Variants in GNPDA2 observed in about 807,000 individuals in gnomAD.
The protein encoded by GNPDA2 is glucosamine-6-phosphate deaminase 2.
GNPDA2 carries 24 observed loss-of-function variants against 27.0 expected under a neutral mutation model. The ratio of observed to expected loss-of-function variants is 0.89; its 90% CI spans 0.64 to 1.25. GNPDA2 has a LOEUF of 1.25. Among genes scored for constraint, GNPDA2 ranks in the 50% most tolerant of loss-of-function variants. The pLI is 0.00. For missense variants in GNPDA2, 286 were observed against 335.1 expected, an observed-to-expected ratio of 0.85 and a Z score of 1.14; for synonymous variants, 94 against 108.4, an observed-to-expected ratio of 0.87 and a Z score of 0.83.
At chr4:44,713,516 G>T (rs1717096418) in intron 4 of GNPDA2, among the ~76,000 whole-genome samples, 1 of 152,124 alleles carries the variant, frequency 6.6e-6, no homozygotes, top group Non-Finnish European at 1.5e-5. Flanking sequence ...CCAAAGCAAA[G>T]AATCCAAGCA....
intron 5 of GNPDA2, 24 bp downstream of exon 5, chr4:44,710,929 C>A: frequency 2.6e-6 from 4 of 1,518,134 alleles, no homozygotes; most frequent in South Asian, 1.3e-5. Flanking sequence ...AAAAGAAAGA[C>A]AGCAAAGAAT....
chr4:44,713,544 G>A (rs1382422521), intron 4 of GNPDA2, among the ~76,000 whole-genome samples: 1 of 152,140 alleles, frequency 6.6e-6, no homozygotes, highest in Non-Finnish European at 1.5e-5. Flanking sequence ...AAATCAGAAG[G>A]TTAACATTTT....
In GNPDA2 at chr4:44,702,298, T is replaced by C. The variant is rs548489652; in HGVS notation, c.*783A>G. The stretch of plus-strand genomic sequence containing the variant: ...GACATTTTATAAGGAATAAAGCTAA[T>C]TGTATATTAAGTTTAACAATAATCA... On this transcript the variant is annotated 3_prime_UTR_variant, in exon 7 of 7. Transcript: ENST00000295448. The C allele has an allele frequency of 2.6e-4, 167 of 653,152 alleles. No homozygotes were observed. In the African/African-American group the frequency reaches 2.9e-3, roughly 11 times the overall value. 40.5% of individuals were successfully genotyped at this position (653,152 alleles called of 1,614,324 possible). A position where few individuals can be genotyped will look rare whatever the true frequency, so the allele number is the denominator to read the frequency against.
chr4:44,702,907 C>A lies in GNPDA2; in HGVS notation c.*174G>T, dbSNP rs1716361102. The A allele has an allele frequency of 3.5e-6, 5 of 1,428,488 alleles. No homozygotes were observed. Among genetic ancestry groups the A allele is most frequent in the Admixed American group, 3.2e-5 (1 of 31,166 alleles). The allele number at this position is 1,428,488 out of a possible 1,614,324, so 88.5% of individuals were successfully genotyped here. On this transcript the variant is annotated 3_prime_UTR_variant, in exon 7 of 7. Coordinates refer to ENST00000295448, the MANE Select transcript of GNPDA2 (RefSeq NM_138335.3). ...TGAGAGCCAGCTACTTCTCTTAAAC[C>A]CAAGTACAAGATATAAATATTCAAA...
chr4:44,705,251 G>A, intron 6 of GNPDA2: 2 of 980,834 alleles, frequency 2.0e-6, no homozygotes, highest in Non-Finnish European at 2.4e-6. Context: ...ATGGAGGTAT[G>A]AAAAGTATAC....
At position 44,702,910 on chromosome 4, in the gene GNPDA2, A is replaced by T; in HGVS notation, c.*171T>A. 3 of 1,436,842 alleles carry T rather than the reference A, an allele frequency of 2.1e-6. No homozygotes were observed. The highest frequency in any genetic ancestry group is 1.8e-6 in the Non-Finnish European group (2 of 1,105,684). 89.0% of individuals were successfully genotyped at this position (1,436,842 alleles called of 1,614,324 possible). ...GAGCCAGCTACTTCTCTTAAACCCA[A>T]GTACAAGATATAAATATTCAAAATA... On this transcript the variant is annotated 3_prime_UTR_variant, in exon 7 of 7. Coordinates refer to ENST00000295448, the MANE Select transcript of GNPDA2 (RefSeq NM_138335.3).
At chr4:44,721,917 T>C (rs1437236165) in intron 2 of GNPDA2, among the ~76,000 whole-genome samples, 167 bp downstream of exon 2, 1 of 152,178 alleles carries the variant, frequency 6.6e-6, no homozygotes. Context: ...ACATTGTAGA[T>C]AGTAGATTTT....
In GNPDA2 at chr4:44,720,351, C is replaced by T. The variant is rs778770584; in HGVS notation, c.124+1733G>A. ...ATTCCAATCTAGATAGGTCTGGTGC[C>T]AGAGTTCATATAGATTCCATTAAAT... is the stretch of plus-strand genomic sequence containing the variant. On this transcript the variant is annotated intron_variant, in intron 2 of 6. Coordinates refer to ENST00000295448, the MANE Select transcript of GNPDA2 (RefSeq NM_138335.3). Among the ~76,000 whole-genome samples, 3 of 152,040 alleles carry T rather than the reference C, an allele frequency of 2.0e-5. No individual in the cohort carries two copies. The South Asian group carries it at 6.2e-4, about 32-fold the overall frequency.
At position 44,707,817 on chromosome 4, in the gene GNPDA2, G is replaced by A; in HGVS notation, c.704C>T (p.Thr235Ile). 6.2e-7 allele frequency: 1 copy of A among 1,613,270 alleles called. No individual in the cohort carries two copies. The highest frequency in any genetic ancestry group is 8.5e-7 in the Non-Finnish European group (1 of 1,179,496). The change falls in exon 6 of 7, where the codon ACT becomes ATT. Residue 235 changes from threonine to isoleucine, a missense_variant. Thr to Ile is a moderately conservative substitution (Grantham distance 89). Transcript: ENST00000295448. ...TVSAFQQHPR[T>I]IFVCDEDATL... ...AGCATCTTCATCGCATACAAAAATAGTCCGGGGATGCTGCTGGAAAGCGGA... is the reference window on the plus strand; with the variant it reads ...AGCATCTTCATCGCATACAAAAATAATCCGGGGATGCTGCTGGAAAGCGGA...
At position 44,723,941 on chromosome 4, in the gene GNPDA2, G is replaced by A. The variant is rs1717842598; in HGVS notation, c.-35-1699C>T. ...GGTCCGTGGCTAATTAAAGGCTGAG[G>A]TGAATTGGCTCCCTATGCAGATGAA... On this transcript the variant is annotated intron_variant, in intron 1 of 6. Coordinates refer to ENST00000295448, the MANE Select transcript of GNPDA2 (RefSeq NM_138335.3). 3.9e-5 allele frequency among the ~76,000 whole-genome samples: 6 copies of A among 152,106 alleles called. 1 individual carries two copies. In the South Asian group the frequency reaches 1.0e-3, roughly 26 times the overall value.
chr4:44,717,188 C>G lies in GNPDA2; in HGVS notation c.334G>C (p.Ala112Pro), dbSNP rs1394825613. Residue 112 changes from alanine to proline, a missense_variant, in exon 4 of 7, where the codon GCA becomes CCA. Coordinates refer to ENST00000295448, the MANE Select transcript of GNPDA2 (RefSeq NM_138335.3). The stretch of plus-strand genomic sequence containing the variant: ...GCATCACATTCTGCTTGTAAATCTG[C>G]AGCATTCCCGTCAAGGATATGTGCA... ...NNAHILDGNA[A>P]DLQAECDAFE... The G allele has an allele frequency of 6.2e-6, 10 of 1,608,296 alleles. No homozygotes were observed. The highest frequency in any genetic ancestry group is 8.5e-6 in the Non-Finnish European group (10 of 1,176,652).
At chr4:44,712,594 C>T (rs1241078522) in intron 4 of GNPDA2, among the ~76,000 whole-genome samples, 1 of 152,036 alleles carries the variant, frequency 6.6e-6, no homozygotes, top group Non-Finnish European at 1.5e-5. Flanking sequence ...TGTTTCTCCT[C>T]TTAGGTATAC....
chr4:44,702,986 TC>T lies in GNPDA2; in HGVS notation c.*94del, dbSNP rs1716365706. Reference sequence around the variant, plus strand: ...ATGAAAAAATGACAATCTTCAAAATTCCCCATGTTTTGTCATATTGCATAGC... The same window carrying T: ...ATGAAAAAATGACAATCTTCAAAATTCCCATGTTTTGTCATATTGCATAGC... On this transcript the variant is annotated 3_prime_UTR_variant, in exon 7 of 7. Coordinates refer to ENST00000295448, the MANE Select transcript of GNPDA2 (RefSeq NM_138335.3). 4 of 1,563,052 alleles carry T rather than the reference TC, an allele frequency of 2.6e-6. No homozygotes were observed. In the East Asian group the frequency reaches 9.1e-5, roughly 36 times the overall value.
chr4:44,724,923 A>G (rs1345936103), intron 1 of GNPDA2, among the ~76,000 whole-genome samples: 1 of 152,234 alleles, frequency 6.6e-6, no homozygotes, highest in Non-Finnish European at 1.5e-5. Flanking sequence ...TGTCAAAAAC[A>G]ATTTTAGAGT....
Position 44,713,173 on chromosome 4 carries a change from C to T in GNPDA2, c.410-2036G>A, listed in dbSNP as rs1388057553. Among the ~76,000 whole-genome samples, 6 of 152,172 alleles carry T rather than the reference C, an allele frequency of 3.9e-5. 1 individual carries two copies. The highest frequency in any genetic ancestry group is 7.3e-5 in the Non-Finnish European group (5 of 68,034). On this transcript the variant is annotated intron_variant, in intron 4 of 6. Transcript: ENST00000295448. ...TTCTCTTCTGCCTTGCTCCCCTCAC[C>T]AGAGGGGCTGGAACAATTTTAATTT...
At chr4:44,715,784 A>G (rs1483676931) in intron 4 of GNPDA2, among the ~76,000 whole-genome samples, 3 of 152,072 alleles carry the variant, frequency 2.0e-5, no homozygotes, top group African/African-American at 7.2e-5. Flanking sequence ...TCTTGCTCCA[A>G]TAAACAACCA....
rs767359567 is a variant in GNPDA2 at position 44,703,145 on chromosome 4, TAAAG to T, written c.770-7_770-4del. On this transcript the variant is annotated splice_region_variant and splice_polypyrimidine_tract_variant and intron_variant, in intron 6 of 6. Coordinates refer to ENST00000295448, the MANE Select transcript of GNPDA2 (RefSeq NM_138335.3). ...TTTATTGTGCACATGCATTAGACCT[TAAAG>T]AAAAAAAGCACAGTTCTAGTTGTTT... The T allele has an allele frequency of 2.5e-6, 4 of 1,604,188 alleles. No individual in the cohort carries two copies. Among genetic ancestry groups the T allele is most frequent in the South Asian group, 2.3e-5 (2 of 88,574 alleles).
At position 44,702,168 on chromosome 4, in the gene GNPDA2, G is replaced by A. The variant is rs1361931522; in HGVS notation, c.*913C>T. 5 of 901,500 alleles carry A rather than the reference G, an allele frequency of 5.5e-6. No individual in the cohort carries two copies. The highest frequency in any genetic ancestry group is 5.1e-5 in the South Asian group (1 of 19,620). 55.8% of individuals were successfully genotyped at this position (901,500 alleles called of 1,614,324 possible). A position where few individuals can be genotyped will look rare whatever the true frequency, so the allele number is the denominator to read the frequency against. ...AATTTAGATAACTTATTTATTACAC[G>A]CTTTATTTGAGTTAAAGATAAAAAA... is the stretch of plus-strand genomic sequence containing the variant. On this transcript the variant is annotated 3_prime_UTR_variant, in exon 7 of 7. Coordinates refer to ENST00000295448, the MANE Select transcript of GNPDA2 (RefSeq NM_138335.3).
At chr4:44,726,205 T>A (rs1479014555) in intron 1 of GNPDA2, among the ~76,000 whole-genome samples, 1 of 151,900 alleles carries the variant, frequency 6.6e-6, no homozygotes, top group Non-Finnish European at 1.5e-5. Context: ...TTAACGAGTG[T>A]AGAGAGAGGT....
Sources: allele counts gnomAD v4.1 joint callset (sites outside exome capture counted in the v4.1 genomes callset), GRCh38; gene constraint gnomAD v4.1.1; transcripts MANE v1.5; gene names NCBI Gene and HGNC (gene_info 2026-07-23, HGNC 2026-07-21).